Variants in NCKAP5 observed in about 807,000 individuals in gnomAD.
NCKAP5 encodes the protein nck-associated protein 5.
A neutral mutation model predicts 167.0 loss-of-function variants in NCKAP5; 92 were observed. The observed-to-expected ratio is 0.55, with a 90% CI of 0.47 to 0.66. The LOEUF (loss-of-function observed/expected upper bound fraction) is 0.66. Ranked by LOEUF, NCKAP5 falls within the 30% of genes least tolerant of loss-of-function variation. The pLI is 0.00. For missense variants in NCKAP5, 2,378 were observed against 2,315.0 expected (o/e 1.03, Z -0.56); for synonymous variants, 891 against 877.4 (o/e 1.02, Z -0.27).
Position 132,860,541 on chromosome 2 carries a change from C to T in NCKAP5, c.758G>A (p.Ser253Asn). The T allele has an allele frequency of 6.3e-7, 1 of 1,588,504 alleles. No homozygotes were observed. Among genetic ancestry groups the T allele is most frequent in the Non-Finnish European group, 8.6e-7 (1 of 1,165,496 alleles). Residue 253 changes from serine to asparagine, a missense_variant, in exon 11 of 20, where the codon AGC (serine) becomes AAC (asparagine). By Grantham distance (46) the Ser-to-Asn change is conservative. This residue lies in a region of NCKAP5 where 1,049 missense variants were observed against 1,023.4 expected (regional missense o/e 1.02). Transcript: ENST00000409261. ...TCTGACTCGCTGTTGGAATAGGATG[C>T]TTAGTGTTCGATTCTGCTGTTCCAA... is the stretch of plus-strand genomic sequence containing the variant. ...FDLEQQNRTL[S>N]ILFQQRVRPT...
chr2:133,342,191 G>A (rs372287306), intron 3 of NCKAP5, among the ~76,000 whole-genome samples: 6 of 152,152 alleles, frequency 3.9e-5, no homozygotes, highest in African/African-American at 1.4e-4. Flanking sequence ...CGCCCGCCTC[G>A]GCCTCCCAAA....
intron 12 of NCKAP5, among the ~76,000 whole-genome samples, chr2:132,790,854 T>C (rs1367391): frequency 0.64 from 97,393 of 152,130 alleles, 32,490 homozygotes; most frequent in East Asian, 0.89. Context: ...TCAATTATTA[T>C]AAGCTGCCAT....
chr2:133,193,365 A>G (rs1289758658), intron 5 of NCKAP5, among the ~76,000 whole-genome samples: 3 of 152,046 alleles, frequency 2.0e-5, no homozygotes, highest in Non-Finnish European at 2.9e-5. Context: ...TGATTTTGGT[A>G]TAGTTTTTCA....
intron 6 of NCKAP5, among the ~76,000 whole-genome samples, chr2:133,115,304 CAA>C (rs2082035046): frequency 2.0e-5 from 3 of 152,088 alleles, no homozygotes; most frequent in African/African-American, 7.2e-5. Context: ...ACTGCTATGA[CAA>C]AAACAATACT....
At chr2:133,303,819 A>C (rs772061910) in intron 3 of NCKAP5, among the ~76,000 whole-genome samples, 1 of 152,168 alleles carries the variant, frequency 6.6e-6, no homozygotes, top group Non-Finnish European at 1.5e-5. Context: ...AAGCAGAAAA[A>C]TCCATAGGTT....
chr2:133,552,526 A>T (rs1465899407), intron 2 of NCKAP5, among the ~76,000 whole-genome samples: 1 of 142,202 alleles, frequency 7.0e-6, no homozygotes, highest in African/African-American at 2.6e-5. Context: ...ATTCTCACTC[A>T]TAGGTGGGAA....
intron 3 of NCKAP5, among the ~76,000 whole-genome samples, chr2:133,428,619 CAT>C (rs1429363681): frequency 6.6e-6 from 1 of 152,062 alleles, no homozygotes; most frequent in Non-Finnish European, 1.5e-5. Flanking sequence ...GAAAAATAGA[CAT>C]AATTTACATA....
intron 16 of NCKAP5, among the ~76,000 whole-genome samples, chr2:132,771,669 A>G (rs1020304988): frequency 3.4e-5 from 5 of 146,364 alleles, no homozygotes; most frequent in African/African-American, 1.2e-4. Flanking sequence ...TTTATCTTTG[A>G]TGCTAATTGT....
rs76870528 is a variant in NCKAP5, at chr2:133,016,290, G to A, written c.342-22051C>T. Among the ~76,000 whole-genome samples, 37 of 152,288 alleles carry A rather than the reference G, an allele frequency of 2.4e-4. No homozygotes were observed. In the East Asian group the frequency reaches 5.8e-3, roughly 24 times the overall value. On this transcript the variant is annotated intron_variant, in intron 6 of 19. Transcript: ENST00000409261. ...TGTGTGAGAGCACATGAAGTCTGAC[G>A]ATTTATAACAGATTTTGCAAATGGT...
rs1485758600 is a variant in NCKAP5, at chr2:133,320,336, C to T, written c.70-17226G>A. Among the ~76,000 whole-genome samples the T allele has an allele frequency of 2.0e-5, 3 of 152,176 alleles. No homozygotes were observed. The East Asian group carries it at 5.8e-4, about 29-fold the overall frequency. On this transcript the variant is annotated intron_variant, in intron 3 of 19. Coordinates refer to ENST00000409261, the MANE Select transcript of NCKAP5 (RefSeq NM_207363.3). ...TGGACTTCCAGCATGTTGGCTCTTCCTGCCTCACTCTGTAAATGTCCCCAC... is the reference window on the plus strand; with the variant it reads ...TGGACTTCCAGCATGTTGGCTCTTCTTGCCTCACTCTGTAAATGTCCCCAC...
intron 5 of NCKAP5, among the ~76,000 whole-genome samples, chr2:133,197,786 T>A (rs2085504138): frequency 6.6e-6 from 1 of 152,022 alleles, no homozygotes; most frequent in Admixed American, 6.6e-5. Flanking sequence ...CCATCTCTAC[T>A]AAAAATACAA....
chr2:133,166,208 G>T (rs2083995922), intron 5 of NCKAP5, among the ~76,000 whole-genome samples: 1 of 152,074 alleles, frequency 6.6e-6, no homozygotes, highest in Admixed American at 6.6e-5. Flanking sequence ...CACAGAGAAG[G>T]AACCCTGAAA....
chr2:133,451,796 T>C (rs1425493620), intron 3 of NCKAP5, among the ~76,000 whole-genome samples: 6 of 152,194 alleles, frequency 3.9e-5, no homozygotes, highest in Admixed American at 3.3e-4. Context: ...CTAAGCCATC[T>C]ATATGGCTTG....
intron 3 of NCKAP5, among the ~76,000 whole-genome samples, chr2:133,393,243 T>C (rs1215530721): frequency 1.3e-5 from 2 of 152,218 alleles, no homozygotes; most frequent in Non-Finnish European, 2.9e-5. Flanking sequence ...ATAAACTCAG[T>C]TTGACCTTGT....
chr2:133,322,123 A>T (rs1682099557), intron 3 of NCKAP5, among the ~76,000 whole-genome samples: 1 of 152,210 alleles, frequency 6.6e-6, no homozygotes. Context: ...AGCCCATCTT[A>T]TAAAGGTTTA....
the NCKAP5 span, among the ~76,000 whole-genome samples, chr2:133,631,546 T>C: frequency 4.6e-5 from 7 of 152,248 alleles, no homozygotes; most frequent in Non-Finnish European, 7.3e-5. Flanking sequence ...AGAGATGTGA[T>C]GTTATTCTGT....
chr2:132,848,869 CA>C (rs1688871786), intron 11 of NCKAP5, among the ~76,000 whole-genome samples: 2 of 151,954 alleles, frequency 1.3e-5, no homozygotes, highest in Non-Finnish European at 2.9e-5. Flanking sequence ...AAAAAGTGAA[CA>C]GAAAAAGCTA....
intron 5 of NCKAP5, among the ~76,000 whole-genome samples, chr2:133,165,040 C>T (rs2083943089): frequency 6.6e-6 from 1 of 151,686 alleles, no homozygotes; most frequent in South Asian, 2.1e-4. Flanking sequence ...TTCTAGGTGA[C>T]ATTTGGCCAT....
chr2:132,856,245 G>A (rs1316750210), intron 11 of NCKAP5, among the ~76,000 whole-genome samples: 2 of 152,118 alleles, frequency 1.3e-5, no homozygotes, highest in Non-Finnish European at 2.9e-5. Context: ...ACAGTGGGAT[G>A]CTTGGCTTGT....
Sources: allele counts gnomAD v4.1 joint callset (sites outside exome capture counted in the v4.1 genomes callset), GRCh38; gene constraint gnomAD v4.1.1; regional missense constraint gnomAD v4.1.1; transcripts MANE v1.5; gene names NCBI Gene and HGNC (gene_info 2026-07-23, HGNC 2026-07-21).